NCAM2: variants seen among roughly 807,000 people sequenced by gnomAD.
NCAM2 encodes the protein neural cell adhesion molecule 2, also known as N-CAM-2.
In NCAM2, 30 loss-of-function variants were observed where a neutral mutation model predicts 98.1. The observed-to-expected ratio is 0.31, with a 90% CI of 0.23 to 0.41. The LOEUF (loss-of-function observed/expected upper bound fraction) is 0.41. NCAM2 is among the 10% of genes least tolerant of loss of function. NCAM2 has a pLI of 1.00. For missense variants in NCAM2, 867 were observed against 1,005.8 expected (o/e 0.86, Z 1.87); for synonymous variants, 368 against 342.4 (o/e 1.07, Z -0.83).
intron 1 of NCAM2, among the ~76,000 whole-genome samples, chr21:21,041,626 G>T (rs938415396): frequency 2.0e-5 from 3 of 152,178 alleles, no homozygotes; most frequent in Non-Finnish European, 4.4e-5. Flanking sequence ...CTAGAACATC[G>T]TGGTGGTGGT....
intron 1 of NCAM2, among the ~76,000 whole-genome samples, chr21:21,197,222 C>T (rs562490776): frequency 7.9e-5 from 12 of 152,160 alleles, no homozygotes; most frequent in Non-Finnish European, 1.3e-4. Context: ...TTCTGCCTCC[C>T]GGGTTCAAGC....
chr21:21,263,784 T>C (rs2072016352), intron 1 of NCAM2, among the ~76,000 whole-genome samples: 1 of 152,118 alleles, frequency 6.6e-6, no homozygotes, highest in Non-Finnish European at 1.5e-5. Context: ...TAAATGATGC[T>C]GAGTAAACAG....
At chr21:21,079,200 T>TAAAAAACA (rs1457466961) in intron 1 of NCAM2, among the ~76,000 whole-genome samples, 1 of 147,850 alleles carries the variant, frequency 6.8e-6, no homozygotes, top group African/African-American at 2.7e-5. Flanking sequence ...TAAAGTAAAA[T>TAAAAAACA]AAAAAACAAA....
intron 1 of NCAM2, among the ~76,000 whole-genome samples, chr21:21,277,881 TA>T (rs71870218): frequency 0.03 from 4,545 of 152,054 alleles, 146 homozygotes; most frequent in East Asian, 0.19. Flanking sequence ...TATTTAAAAA[TA>T]AAAAAATGCA....
chr21:21,129,087 A>G (rs1344406120), intron 1 of NCAM2, among the ~76,000 whole-genome samples: 1 of 152,174 alleles, frequency 6.6e-6, no homozygotes, highest in East Asian at 1.9e-4. Context: ...TCAGGTAAAC[A>G]AATTTTAAAA....
chr21:21,413,715 G>A (rs1487566230), intron 10 of NCAM2, among the ~76,000 whole-genome samples: 1 of 152,168 alleles, frequency 6.6e-6, no homozygotes, highest in African/African-American at 2.4e-5. Flanking sequence ...AATAATTTGA[G>A]ATTTAAGCAA....
At chr21:21,455,080 A>G (rs1007850247) in intron 12 of NCAM2, among the ~76,000 whole-genome samples, 1 of 151,830 alleles carries the variant, frequency 6.6e-6, no homozygotes, top group Non-Finnish European at 1.5e-5. Context: ...AATGAATTTC[A>G]TAAGGGAAGA....
At chr21:21,278,536 T>A (rs1387294333) in intron 1 of NCAM2, among the ~76,000 whole-genome samples, 1 of 152,204 alleles carries the variant, frequency 6.6e-6, no homozygotes, top group African/African-American at 2.4e-5. Flanking sequence ...TTTCTTATTC[T>A]TTCTGACTTG....
chr21:21,213,312 A>G (rs769965001), intron 1 of NCAM2, among the ~76,000 whole-genome samples: 5 of 152,214 alleles, frequency 3.3e-5, no homozygotes, highest in African/African-American at 7.2e-5. Context: ...GGGGGCAACT[A>G]TTGACTAAAG....
chr21:21,110,161 T>C (rs2066426757), intron 1 of NCAM2, among the ~76,000 whole-genome samples: 1 of 152,176 alleles, frequency 6.6e-6, no homozygotes, highest in African/African-American at 2.4e-5. Flanking sequence ...GGCTTCAGCG[T>C]CCTCATGACA....
At chr21:21,202,698 G>A (rs1601634770) in intron 1 of NCAM2, among the ~76,000 whole-genome samples, 1 of 152,092 alleles carries the variant, frequency 6.6e-6, no homozygotes, top group South Asian at 2.1e-4. Flanking sequence ...TTACAGGCGT[G>A]AGCCACTGTG....
intron 1 of NCAM2, among the ~76,000 whole-genome samples, chr21:21,031,755 T>C (rs1436128427): frequency 6.6e-6 from 1 of 152,152 alleles, no homozygotes; most frequent in African/African-American, 2.4e-5. Context: ...ATTTACTAAA[T>C]AAATTTTGTC....
intron 1 of NCAM2, among the ~76,000 whole-genome samples, chr21:21,265,159 CTTATATATA>C (rs2072171054): frequency 9.6e-6 from 1 of 103,834 alleles, no homozygotes; most frequent in East Asian, 4.1e-4. Flanking sequence ...TACATATATA[CTTATATATA>C]TTATATATGT....
rs188642462 is a variant in NCAM2, at chr21:21,320,646, A to G, written c.620-3737A>G. On this transcript the variant is annotated intron_variant, in intron 5 of 17. Transcript: ENST00000400546. ...CTGATATGACTATATGAAAGTAACA[A>G]TTTCATGATCAAAATCATGATGAAT... 4.7e-4 allele frequency among the ~76,000 whole-genome samples: 72 copies of G among 152,270 alleles called. 1 individual carries two copies. Among genetic ancestry groups the G allele is most frequent in the Admixed American group, 2.9e-3 (44 of 15,284 alleles).
chr21:21,036,583 A>G (rs1019267824), intron 1 of NCAM2, among the ~76,000 whole-genome samples: 12 of 152,210 alleles, frequency 7.9e-5, no homozygotes, highest in Admixed American at 7.9e-4. Flanking sequence ...GAAGGACCAG[A>G]TGGTTGACAC....
chr21:21,258,351 A>G (rs1177773834), intron 1 of NCAM2, among the ~76,000 whole-genome samples: 2 of 152,174 alleles, frequency 1.3e-5, no homozygotes, highest in African/African-American at 4.8e-5. Context: ...TGATGAATGG[A>G]CATTTTCCTA....
chr21:21,531,960 A>T (rs891844385), intron 16 of NCAM2, among the ~76,000 whole-genome samples: 4 of 151,096 alleles, frequency 2.6e-5, no homozygotes, highest in Admixed American at 6.6e-5. Flanking sequence ...GCCACTGCAC[A>T]CCAGCCTGGA....
At chr21:21,070,189 A>G (rs891658012) in intron 1 of NCAM2, among the ~76,000 whole-genome samples, 6 of 151,876 alleles carry the variant, frequency 4.0e-5, no homozygotes, top group Non-Finnish European at 7.4e-5. Context: ...AGGCCAAAAT[A>G]TCAAACAATA....
At chr21:21,527,950 A>G (rs1989417607) in intron 16 of NCAM2, among the ~76,000 whole-genome samples, 1 of 152,262 alleles carries the variant, frequency 6.6e-6, no homozygotes, top group African/African-American at 2.4e-5. Context: ...CAATTAAAAC[A>G]TCCTTCAGTA....
Sources: allele counts gnomAD v4.1 joint callset (sites outside exome capture counted in the v4.1 genomes callset), GRCh38; gene constraint gnomAD v4.1.1; transcripts MANE v1.5; gene names NCBI Gene and HGNC (gene_info 2026-07-23, HGNC 2026-07-21).